Variants in DUSP7 observed in about 807,000 individuals in gnomAD.
DUSP7 encodes the protein dual specificity phosphatase 7, also known as dual specificity protein phosphatase 7.
DUSP7 carries 7 observed loss-of-function variants against 29.8 expected under a neutral mutation model. The ratio of observed to expected loss-of-function variants is 0.24; its 90% confidence interval spans 0.13 to 0.44. The LOEUF is 0.44. Among genes scored for constraint, DUSP7 ranks in the 20% least tolerant of loss-of-function variants. DUSP7 has a pLI of 1.00. For synonymous variants in DUSP7, 287 were observed against 275.4 expected (o/e 1.04, Z -0.42); for missense variants, 400 against 583.7 (o/e 0.69, Z 3.24).
rs949735178 is a variant in DUSP7, at chr3:52,049,653, T to A, written c.*1162A>T. 2 of 150,532 alleles carry A rather than the reference T, an allele frequency of 1.3e-5. No individual in the cohort carries two copies. Among genetic ancestry groups the A allele is most frequent in the East Asian group, 3.9e-4 (2 of 5,092 alleles). 9.3% of individuals were successfully genotyped at this position (150,532 alleles called of 1,614,324 possible). On this transcript the variant is annotated 3_prime_UTR_variant, in exon 3 of 3. Transcript: ENST00000495880. ...GGAGGTCGGGCTGGGCCCCACCACC[T>A]AATGTCTCCCCAGCCACTGGGCCTC...
chr3:52,050,192 G>A lies in DUSP7; in HGVS notation c.*623C>T, dbSNP rs768298381. On this transcript the variant is annotated 3_prime_UTR_variant, in exon 3 of 3. Transcript: ENST00000495880. This position sits in a 1 kb window ranked among gnomAD's most constrained non-coding sequence, Gnocchi z 5.0. ...CAGAGGCTTCACACATGTGCAAAAC[G>A]CATTTGGTCAAGGTCAACATGGCGT... 1 of 152,124 alleles carries A rather than the reference G, an allele frequency of 6.6e-6. No individual in the cohort carries two copies. The highest frequency in any genetic ancestry group is 1.5e-5 in the Non-Finnish European group (1 of 68,022). The allele number at this position is 152,124 out of a possible 1,614,324, so 9.4% of individuals were successfully genotyped here. A position where few individuals can be genotyped will look rare whatever the true frequency, so the allele number is the denominator to read the frequency against.
rs1161031625 is a variant in DUSP7 at position 52,056,312 on chromosome 3, C to A, written c.55G>T (p.Ala19Ser). ...PARAHMSTSG[A>S]AAAGGTRAGS... ...GCCCGGGTGCCCCCAGCCGCCGCCGCCCCCGAAGTCGACATGTGCGCCCGC... is the reference window on the plus strand; with the variant it reads ...GCCCGGGTGCCCCCAGCCGCCGCCGACCCCGAAGTCGACATGTGCGCCCGC... Residue 19 changes from alanine (A) to serine (S), a missense_variant, in exon 1 of 3, where the codon GCG (alanine) becomes TCG (serine). Coordinates refer to ENST00000495880, the MANE Select transcript of DUSP7 (RefSeq NM_001947.4). The surrounding 1 kb of genome is among the most constrained non-coding windows in gnomAD (Gnocchi z 6.4). The A allele has an allele frequency of 9.2e-6, 11 of 1,189,618 alleles. No homozygotes were observed. The highest frequency in any genetic ancestry group is 1.1e-5 in the Non-Finnish European group (11 of 963,248). The allele number at this position is 1,189,618 out of a possible 1,614,324, so 73.7% of individuals were successfully genotyped here.
Position 52,053,420 on chromosome 3 carries a change from A to G in DUSP7, c.952+520T>C, listed in dbSNP as rs1156751914. ...GCAAGCCCTACAGGCTGCAGAGAGCATCTGGAGGCTGACTGAGCTAGCAGT... is the reference window on the plus strand; with the variant it reads ...GCAAGCCCTACAGGCTGCAGAGAGCGTCTGGAGGCTGACTGAGCTAGCAGT... On this transcript the variant is annotated intron_variant, in intron 2 of 2. Coordinates refer to ENST00000495880, the MANE Select transcript of DUSP7 (RefSeq NM_001947.4). This position sits in a 1 kb window ranked among gnomAD's most constrained non-coding sequence, Gnocchi z 4.6. 5.3e-6 allele frequency: 1 copy of G among 187,912 alleles called. No individual in the cohort carries two copies. The allele number at this position is 187,912 out of a possible 1,614,324, so 11.6% of individuals were successfully genotyped here. A position where few individuals can be genotyped will look rare whatever the true frequency, so the allele number is the denominator to read the frequency against.
chr3:52,055,733 C>A (rs1364418740), intron 1 of DUSP7, 117 bp downstream of exon 1: 3 of 1,284,962 alleles, frequency 2.3e-6, no homozygotes, highest in Non-Finnish European at 3.1e-6. Flanking sequence ...GGGCCGGGGA[C>A]GACGTGGCGC....
At position 52,054,365 on chromosome 3, in the gene DUSP7, T is replaced by C. The variant is rs141364781; in HGVS notation, c.527A>G (p.Asn176Ser). ...CQAYYLQGGF[N>S]KFQTEYSEHC... The stretch of plus-strand genomic sequence containing the variant: ...CTCAGAGTACTCTGTTTGAAACTTG[T>C]TGAAACCACCTGTGTCCAGGGTGAG... Residue 176 changes from asparagine to serine, a missense_variant, in exon 2 of 3, where the codon AAC (asparagine) becomes AGC (serine). Asn to Ser is a conservative substitution (Grantham distance 46). Transcript: ENST00000495880. The surrounding 1 kb of genome is among the most constrained non-coding windows in gnomAD (Gnocchi z 4.1). The C allele has an allele frequency of 2.0e-4, 306 of 1,526,420 alleles. No individual in the cohort carries two copies. The highest frequency in any genetic ancestry group is 2.6e-4 in the Non-Finnish European group (294 of 1,137,232). 94.6% of individuals were successfully genotyped at this position (1,526,420 alleles called of 1,614,324 possible).
chr3:52,053,861 A>G lies in DUSP7; in HGVS notation c.952+79T>C. ...GGTCTCAACAGGCCCAGAGGTACCC[A>G]GTCAGGCGGGGGCGCCACCCAGAGT... On this transcript the variant is annotated intron_variant, in intron 2 of 2. Transcript: ENST00000495880. This position sits in a 1 kb window ranked among gnomAD's most constrained non-coding sequence, Gnocchi z 4.6. 6.6e-7 allele frequency: 1 copy of G among 1,519,966 alleles called. No homozygotes were observed. Among genetic ancestry groups the G allele is most frequent in the Non-Finnish European group, 9.1e-7 (1 of 1,099,482 alleles). The allele number at this position is 1,519,966 out of a possible 1,614,324, so 94.2% of individuals were successfully genotyped here.
Position 52,050,769 on chromosome 3 carries a change from G to A in DUSP7, c.*46C>T, listed in dbSNP as rs891455502. On this transcript the variant is annotated 3_prime_UTR_variant, in exon 3 of 3. Coordinates refer to ENST00000495880, the MANE Select transcript of DUSP7 (RefSeq NM_001947.4). This position sits in a 1 kb window ranked among gnomAD's most constrained non-coding sequence, Gnocchi z 5.0. Reference sequence around the variant, plus strand: ...TTGGGCTCTCCCACCTAGCCCTGTGGAGAGCCGAGCAGGGGCCTGGTGCCA... The same window carrying A: ...TTGGGCTCTCCCACCTAGCCCTGTGAAGAGCCGAGCAGGGGCCTGGTGCCA... 28 of 1,572,064 alleles carry A rather than the reference G, an allele frequency of 1.8e-5. No individual in the cohort carries two copies. The African/African-American group carries it at 3.7e-4, about 21-fold the overall frequency.
chr3:52,052,375 G>A (rs139731707), intron 2 of DUSP7: 1 of 152,372 alleles, frequency 6.6e-6, no homozygotes, highest in East Asian at 1.9e-4. Flanking sequence ...GCATACAGTA[G>A]GTGCTTCCTC....
At position 52,054,723 on chromosome 3, in the gene DUSP7, C is replaced by G. The variant is rs985609686; in HGVS notation, c.518-349G>C. Among the ~76,000 whole-genome samples, 2 of 152,214 alleles carry G rather than the reference C, an allele frequency of 1.3e-5. No individual in the cohort carries two copies. Among genetic ancestry groups the G allele is most frequent in the African/African-American group, 4.8e-5 (2 of 41,456 alleles). On this transcript the variant is annotated intron_variant, in intron 1 of 2. Transcript: ENST00000495880. The surrounding 1 kb of genome is among the most constrained non-coding windows in gnomAD (Gnocchi z 4.1). ...CTGCAGCTCCCACGCACACCTAGCACCCATGGGTGTTCAGTAACAGCTAAG... is the reference window on the plus strand; with the variant it reads ...CTGCAGCTCCCACGCACACCTAGCAGCCATGGGTGTTCAGTAACAGCTAAG...
At position 52,054,307 on chromosome 3, in the gene DUSP7, C is replaced by A; in HGVS notation, c.585G>T (p.Ser195=). 2 of 1,581,988 alleles carry A rather than the reference C, an allele frequency of 1.3e-6. No homozygotes were observed. Among genetic ancestry groups the A allele is most frequent in the African/African-American group, 1.3e-5 (1 of 74,278 alleles). ...CTGAGGTGGGTGGCGAGCTGCTCGG[C>A]GAGGAAGAGCTGTCCACGTTGGTCT... ...HCETNVDSSS[S]PSSSPPTSVL... The change falls in exon 2 of 3, where the codon TCG becomes TCT. Residue 195 remains serine, a synonymous_variant. Coordinates refer to ENST00000495880, the MANE Select transcript of DUSP7 (RefSeq NM_001947.4). The surrounding 1 kb of genome is among the most constrained non-coding windows in gnomAD (Gnocchi z 4.1).
rs374014170 is a variant in DUSP7, at chr3:52,050,818, C to A, written c.1257G>T (p.Thr419=). The part of the protein sequence containing the change: ...NLFPLNTLES[T] ...CATGCCCCCCGTGCACCAGGCCTCA[C>A]GTGGACTCCAGCGTATTGAGTGGGA... is the stretch of plus-strand genomic sequence containing the variant. The change falls in exon 3 of 3, where the codon ACG becomes ACT. Residue 419 remains threonine, a synonymous_variant. Coordinates refer to ENST00000495880, the MANE Select transcript of DUSP7 (RefSeq NM_001947.4). The surrounding 1 kb of genome is among the most constrained non-coding windows in gnomAD (Gnocchi z 5.0). 1 of 1,607,848 alleles carries A rather than the reference C, an allele frequency of 6.2e-7. No individual in the cohort carries two copies. Among genetic ancestry groups the A allele is most frequent in the East Asian group, 2.2e-5 (1 of 44,714 alleles).
chr3:52,049,550 G>A lies in DUSP7; in HGVS notation c.*1265C>T, dbSNP rs953918694. On this transcript the variant is annotated 3_prime_UTR_variant, in exon 3 of 3. Transcript: ENST00000495880. ...CAGTAGAAGGCATGGGCAAGATGAG[G>A]GCAGGGCAAGCTTCCAAGGGGACAA... 7 of 152,410 alleles carry A rather than the reference G, an allele frequency of 4.6e-5. No individual in the cohort carries two copies. The highest frequency in any genetic ancestry group is 1.4e-4 in the African/African-American group (6 of 41,460). 9.4% of individuals were successfully genotyped at this position (152,410 alleles called of 1,614,324 possible).
Position 52,054,468 on chromosome 3 carries a change from A to C in DUSP7, c.518-94T>G. 1 of 1,047,766 alleles carries C rather than the reference A, an allele frequency of 9.5e-7. No homozygotes were observed. 64.9% of individuals were successfully genotyped at this position (1,047,766 alleles called of 1,614,324 possible). On this transcript the variant is annotated intron_variant, in intron 1 of 2. Coordinates refer to ENST00000495880, the MANE Select transcript of DUSP7 (RefSeq NM_001947.4). The surrounding 1 kb of genome is among the most constrained non-coding windows in gnomAD (Gnocchi z 4.1). ...GAGATGGCCAGGACTCTGCACGCCA[A>C]ACACCACAGCACCCACGGTCAGCAT... is the stretch of plus-strand genomic sequence containing the variant.
chr3:52,054,410 C>G lies in DUSP7; in HGVS notation c.518-36G>C. 11 of 1,504,176 alleles carry G rather than the reference C, an allele frequency of 7.3e-6. No individual in the cohort carries two copies. The highest frequency in any genetic ancestry group is 9.8e-6 in the Non-Finnish European group (11 of 1,123,692). The allele number at this position is 1,504,176 out of a possible 1,614,324, so 93.2% of individuals were successfully genotyped here. A position where few individuals can be genotyped will look rare whatever the true frequency, so the allele number is the denominator to read the frequency against. ...GGTGAGACAGGGCCTGGGTGAGAGG[C>G]TGGTGAGAGCCCAGATGGGCTGCAC... On this transcript the variant is annotated intron_variant, in intron 1 of 2. Transcript: ENST00000495880. This position sits in a 1 kb window ranked among gnomAD's most constrained non-coding sequence, Gnocchi z 4.1.
rs2106890222 is a variant in DUSP7 at position 52,050,424 on chromosome 3, C to A, written c.*391G>T. ...AAAAAAAGAAAAATCAAGAAGAGCTCAAACACTCTTTGTGCTCCAGGGAGC... is the reference window on the plus strand; with the variant it reads ...AAAAAAAGAAAAATCAAGAAGAGCTAAAACACTCTTTGTGCTCCAGGGAGC... On this transcript the variant is annotated 3_prime_UTR_variant, in exon 3 of 3. Transcript: ENST00000495880. This position sits in a 1 kb window ranked among gnomAD's most constrained non-coding sequence, Gnocchi z 5.0. 6.0e-6 allele frequency: 1 copy of A among 167,368 alleles called. No individual in the cohort carries two copies. Among genetic ancestry groups the A allele is most frequent in the Non-Finnish European group, 1.3e-5 (1 of 79,126 alleles). The allele number at this position is 167,368 out of a possible 1,614,324, so 10.4% of individuals were successfully genotyped here. A position where few individuals can be genotyped will look rare whatever the true frequency, so the allele number is the denominator to read the frequency against.
At position 52,056,290 on chromosome 3, in the gene DUSP7, C is replaced by T. The variant is rs1006909915; in HGVS notation, c.77G>A (p.Arg26Gln). The change falls in exon 1 of 3, where the codon CGG becomes CAG. Residue 26 changes from arginine to glutamine, a missense_variant. Around this residue, in one of 4 missense-constraint regions of DUSP7, gnomAD observed 96 missense variants for 97.1 expected, o/e 0.99. Coordinates refer to ENST00000495880, the MANE Select transcript of DUSP7 (RefSeq NM_001947.4). The surrounding 1 kb of genome is among the most constrained non-coding windows in gnomAD (Gnocchi z 6.4). Reference protein sequence around the residue: ...TSGAAAAGGTRAGSEPGAGSG... With the variant: ...TSGAAAAGGTQAGSEPGAGSG... ...CCCCGCACCGGGCTCGGACCCCGCCCGGGTGCCCCCAGCCGCCGCCGCCCC... is the reference window on the plus strand; with the variant it reads ...CCCCGCACCGGGCTCGGACCCCGCCTGGGTGCCCCCAGCCGCCGCCGCCCC... 4.1e-6 allele frequency: 5 copies of T among 1,218,506 alleles called. No individual in the cohort carries two copies. Among genetic ancestry groups the T allele is most frequent in the Non-Finnish European group, 5.1e-6 (5 of 981,598 alleles). The allele number at this position is 1,218,506 out of a possible 1,614,324, so 75.5% of individuals were successfully genotyped here.
At chr3:52,055,722 C>A (rs901025211) in intron 1 of DUSP7, 128 bp downstream of exon 1, 5 of 1,186,182 alleles carry the variant, frequency 4.2e-6, no homozygotes, top group Non-Finnish European at 5.7e-6. Context: ...AGGGCGGATG[C>A]GGGCCGGGGA....
At position 52,049,250 on chromosome 3, in the gene DUSP7, G is replaced by A. The variant is rs1237691973; in HGVS notation, c.*1565C>T. On this transcript the variant is annotated 3_prime_UTR_variant, in exon 3 of 3. Transcript: ENST00000495880. ...CCACCCCCGTGAGGTAAGAAGCAGT[G>A]GGGCAGAGTTTTTCTGTGGCCTCAC... 1.3e-5 allele frequency: 2 copies of A among 152,224 alleles called. No homozygotes were observed. Among genetic ancestry groups the A allele is most frequent in the African/African-American group, 4.8e-5 (2 of 41,446 alleles). 9.4% of individuals were successfully genotyped at this position (152,224 alleles called of 1,614,324 possible).
Position 52,050,416 on chromosome 3 carries a change from G to T in DUSP7, c.*399C>A. 1.3e-5 allele frequency: 2 copies of T among 155,522 alleles called. No individual in the cohort carries two copies. The highest frequency in any genetic ancestry group is 1.8e-4 in the East Asian group (1 of 5,504). 9.6% of individuals were successfully genotyped at this position (155,522 alleles called of 1,614,324 possible). On this transcript the variant is annotated 3_prime_UTR_variant, in exon 3 of 3. Transcript: ENST00000495880. This position sits in a 1 kb window ranked among gnomAD's most constrained non-coding sequence, Gnocchi z 5.0. ...AAAAAAAAAAAAAAAGAAAAATCAA[G>T]AAGAGCTCAAACACTCTTTGTGCTC...
Sources: gnomAD v4.1 joint callset for allele counts (sites outside exome capture counted in the v4.1 genomes callset) on GRCh38, gnomAD v4.1.1 for gene constraint, gnomAD v4.1.1 regional missense constraint, Gnocchi (gnomAD v3.1) non-coding constraint, MANE v1.5 for transcripts, NCBI Gene and HGNC (gene_info 2026-07-23, HGNC 2026-07-21) for gene names.